Variants in LEPR observed in about 807,000 individuals in gnomAD.
LEPR encodes the protein OB receptor.
A neutral mutation model predicts 114.7 loss-of-function variants in LEPR; 56 were observed. The observed-to-expected ratio is 0.49, with a 90% CI of 0.39 to 0.61. The LOEUF is 0.61. LEPR is among the 20% of genes least tolerant of loss of function. The pLI, the probability that LEPR is intolerant of heterozygous loss-of-function variation, is 0.00. For missense variants in LEPR, 1,202 were observed against 1,352.9 expected, an observed-to-expected ratio of 0.89 and a Z score of 1.75; for synonymous variants, 443 against 461.4, an observed-to-expected ratio of 0.96 and a Z score of 0.51.
intron 2 of LEPR, among the ~76,000 whole-genome samples, chr1:65,505,515 T>G (rs1377707629): frequency 6.6e-6 from 1 of 152,150 alleles, no homozygotes; most frequent in Non-Finnish European, 1.5e-5. Context: ...CAGGCCTCCT[T>G]GCTCTCTGAT....
chr1:65,488,240 C>CTTTCTT, intron 2 of LEPR, among the ~76,000 whole-genome samples: 2 of 113,998 alleles, frequency 1.8e-5, no homozygotes, highest in African/African-American at 6.8e-5. Flanking sequence ...TTCTTTCTTT[C>CTTTCTT]TTTCTTTCTT....
chr1:65,494,832 A>C (rs1648069380), intron 2 of LEPR, among the ~76,000 whole-genome samples: 1 of 152,070 alleles, frequency 6.6e-6, no homozygotes, highest in Admixed American at 6.6e-5. Context: ...ATATTTCTCT[A>C]GTCTCTATCT....
At chr1:65,421,405 G>T in intron 1 of LEPR, 1 of 1,536,070 alleles carries the variant, frequency 6.5e-7, no homozygotes, top group South Asian at 1.2e-5. Context: ...TTATCTGTAT[G>T]GCTTCAGAGC....
chr1:65,463,599 T>A (rs939088640), intron 2 of LEPR, among the ~76,000 whole-genome samples: 2 of 152,188 alleles, frequency 1.3e-5, no homozygotes, highest in Non-Finnish European at 2.9e-5. Context: ...ACTGAATCCA[T>A]AAATTACCTT....
chr1:65,438,008 A>G (rs534191431), intron 2 of LEPR, among the ~76,000 whole-genome samples: 5 of 151,296 alleles, frequency 3.3e-5, no homozygotes, highest in Admixed American at 6.6e-5. Flanking sequence ...AAGTTTCCCT[A>G]CATTGACCAG....
At chr1:65,499,910 C>A (rs114802997) in intron 2 of LEPR, among the ~76,000 whole-genome samples, 253 of 152,188 alleles carry the variant, frequency 1.7e-3, no homozygotes, top group African/African-American at 5.9e-3. Flanking sequence ...CATGTTCTGA[C>A]CCTGACCTAG....
chr1:65,430,724 A>G (rs1646469025), intron 2 of LEPR, among the ~76,000 whole-genome samples: 2 of 151,846 alleles, frequency 1.3e-5, no homozygotes, highest in East Asian at 1.9e-4. Flanking sequence ...AACAACTGCT[A>G]CTTGTAAAAC....
intron 10 of LEPR, among the ~76,000 whole-genome samples, chr1:65,603,331 G>A (rs1024971608): frequency 6.9e-6 from 1 of 145,782 alleles, no homozygotes; most frequent in African/African-American, 2.5e-5. Context: ...TTTCATTTTT[G>A]CCCACGCACC....
chr1:65,491,032 C>T (rs1647841033), intron 2 of LEPR, among the ~76,000 whole-genome samples: 1 of 152,118 alleles, frequency 6.6e-6, no homozygotes, highest in African/African-American at 2.4e-5. Flanking sequence ...ATTTGGAAAT[C>T]AGAGGATTGA....
chr1:65,539,530 G>A (rs114042707), intron 2 of LEPR, among the ~76,000 whole-genome samples: 29 of 152,204 alleles, frequency 1.9e-4, no homozygotes, highest in African/African-American at 6.5e-4. Context: ...TTACCATACC[G>A]GTGCCAAGTT....
intron 2 of LEPR, among the ~76,000 whole-genome samples, chr1:65,532,636 G>A (rs964371996): frequency 6.6e-6 from 1 of 152,144 alleles, no homozygotes. Context: ...CCATACAATG[G>A]AATATTATTA....
rs551017633 is a variant in LEPR, at chr1:65,630,256, A to C, written c.2674-5935A>C. 2.9e-4 allele frequency: 102 copies of C among 351,140 alleles called. 1 individual carries two copies. Among genetic ancestry groups the C allele is most frequent in the South Asian group, 2.2e-3 (100 of 45,368 alleles). The allele number at this position is 351,140 out of a possible 1,614,324, so 21.8% of individuals were successfully genotyped here. On this transcript the variant is annotated intron_variant, in intron 19 of 19. Transcript: ENST00000349533. ...TCATCACCACTCCCTAATCTCAAGT[A>C]CCCAGGGACACAAACACTGCGGAAG...
At position 65,601,501 on chromosome 1, in the gene LEPR, G is replaced by A. The variant is rs1310045503; in HGVS notation, c.1104G>A (p.Trp368Ter). Residue 368 changes from tryptophan (W) to a stop codon, truncating the protein, a stop_gained, in exon 9 of 20, where the codon TGG (tryptophan) becomes TGA (stop). Transcript: ENST00000349533. LOFTEE classifies it high-confidence loss of function. Reference sequence around the variant, plus strand: ...TTGTTCCCTCAAAAGAGATTGTTTGGTGGATGAATTTAGCTGAGAAAATTC... The same window carrying A: ...TTGTTCCCTCAAAAGAGATTGTTTGATGGATGAATTTAGCTGAGAAAATTC... The part of the protein sequence containing the change: ...NKIVPSKEIV[W>*]WMNLAEKIPQ... The A allele has an allele frequency of 6.2e-7, 1 of 1,613,590 alleles. No individual in the cohort carries two copies. Among genetic ancestry groups the A allele is most frequent in the Non-Finnish European group, 8.5e-7 (1 of 1,179,716 alleles).
intron 8 of LEPR, among the ~76,000 whole-genome samples, chr1:65,599,879 A>G (rs1177076004): frequency 2.0e-5 from 3 of 152,136 alleles, no homozygotes; most frequent in Non-Finnish European, 1.5e-5. Flanking sequence ...TCAATATCTC[A>G]TATCAATTTC....
intron 2 of LEPR, among the ~76,000 whole-genome samples, chr1:65,449,747 C>A (rs973812416): frequency 2.0e-5 from 3 of 147,860 alleles, no homozygotes; most frequent in Admixed American, 6.7e-5. Context: ...TTTCTGTTTT[C>A]AATTTCATTG....
chr1:65,596,774 G>T, intron 7 of LEPR, among the ~76,000 whole-genome samples, 181 bp downstream of exon 7: 1 of 151,690 alleles, frequency 6.6e-6, no homozygotes, highest in Non-Finnish European at 1.5e-5. Flanking sequence ...TATATATATG[G>T]CTATAGGAAA....
chr1:65,593,001 G>A, intron 6 of LEPR, 136 bp downstream of exon 6: 6 of 936,562 alleles, frequency 6.4e-6, no homozygotes, highest in Non-Finnish European at 9.7e-6. Context: ...TAGTACTGGG[G>A]GTATTAAGAG....
In LEPR at chr1:65,616,131, G is replaced by A. The variant is rs1557698209; in HGVS notation, c.2119G>A (p.Glu707Lys). The change falls in exon 15 of 20, where the codon GAG (glutamate) becomes AAG (lysine). Residue 707 changes from glutamate to lysine, a missense_variant. Transcript: ENST00000349533. The part of the protein sequence containing the change: ...NHTKFTFLWT[E>K]QAHTVTVLAI... ...CACGAAATTCACTTTCCTGTGGACA[G>A]AGCAAGCACATACTGTTACGGTTCT... 2 of 1,614,208 alleles carry A rather than the reference G, an allele frequency of 1.2e-6. No individual in the cohort carries two copies. Among genetic ancestry groups the A allele is most frequent in the Non-Finnish European group, 1.7e-6 (2 of 1,180,030 alleles).
At chr1:65,522,638 T>A (rs12073622) in intron 2 of LEPR, among the ~76,000 whole-genome samples, 3,079 of 152,322 alleles carry the variant, frequency 0.02, 46 homozygotes, top group Admixed American at 0.027. Context: ...AGTTGGGCAA[T>A]ATTTATGTTT....
Sources: allele counts gnomAD v4.1 joint callset (sites outside exome capture counted in the v4.1 genomes callset), GRCh38; gene constraint gnomAD v4.1.1; transcripts MANE v1.5; gene names NCBI Gene and HGNC (gene_info 2026-07-23, HGNC 2026-07-21).